UNC5D: variants seen among roughly 807,000 people sequenced by gnomAD.
UNC5D encodes the protein unc-5 netrin receptor D.
In UNC5D, 39 loss-of-function variants were observed where a neutral mutation model predicts 105.4. The observed-to-expected ratio is 0.37, with a 90% CI of 0.29 to 0.48. The LOEUF (loss-of-function observed/expected upper bound fraction) is 0.48, where lower values mean the gene tolerates loss of function less well. Ranked by LOEUF, UNC5D falls within the 20% of genes least tolerant of loss-of-function variation. UNC5D has a pLI of 0.98. For missense variants in UNC5D, 991 were observed against 1,202.4 expected (o/e 0.82, Z 2.60); for synonymous variants, 452 against 450.4 (o/e 1.00, Z -0.04).
At chr8:35,414,115 A>T (rs1299669107) in intron 1 of UNC5D, among the ~76,000 whole-genome samples, 1 of 152,122 alleles carries the variant, frequency 6.6e-6, no homozygotes, top group Non-Finnish European at 1.5e-5. Context: ...TTTAGTATTC[A>T]TTAATTCTAC....
chr8:35,249,624 G>A (rs1044719207), intron 1 of UNC5D, among the ~76,000 whole-genome samples: 28 of 150,412 alleles, frequency 1.9e-4, no homozygotes, highest in East Asian at 5.8e-4. Flanking sequence ...TAAAAACTTC[G>A]GTTGCTTCTT....
rs1191018145 is a variant in UNC5D at position 35,383,557 on chromosome 8, A to G, written c.103+147670A>G. On this transcript the variant is annotated intron_variant, in intron 1 of 16. Coordinates refer to ENST00000404895, the MANE Select transcript of UNC5D (RefSeq NM_080872.4). Reference sequence around the variant, plus strand: ...GGGCCCAATGAATAAATACACAGATAAAGAGCCTCTAAGGTAGGCAAGAGA... The same window carrying G: ...GGGCCCAATGAATAAATACACAGATGAAGAGCCTCTAAGGTAGGCAAGAGA... Among the ~76,000 whole-genome samples, 5 of 152,328 alleles carry G rather than the reference A, an allele frequency of 3.3e-5. No homozygotes were observed. The East Asian group carries it at 9.6e-4, about 29-fold the overall frequency.
At chr8:35,476,883 T>C (rs1810141172) in intron 1 of UNC5D, among the ~76,000 whole-genome samples, 1 of 152,240 alleles carries the variant, frequency 6.6e-6, no homozygotes. Context: ...CTGTGATGCT[T>C]TGATCACCAA....
intron 1 of UNC5D, among the ~76,000 whole-genome samples, chr8:35,453,063 A>G (rs1808269246): frequency 6.6e-6 from 1 of 152,206 alleles, no homozygotes; most frequent in Non-Finnish European, 1.5e-5. Context: ...CAGTTGTGCA[A>G]AATCAGTAGA....
intron 14 of UNC5D, among the ~76,000 whole-genome samples, chr8:35,765,780 A>T (rs1801738225): frequency 6.6e-6 from 1 of 152,178 alleles, no homozygotes; most frequent in African/African-American, 2.4e-5. Context: ...CACCAGTCAT[A>T]GTTCAGGGTT....
chr8:35,622,490 T>C (rs1234641957), intron 4 of UNC5D, among the ~76,000 whole-genome samples: 2 of 152,212 alleles, frequency 1.3e-5, no homozygotes, highest in African/African-American at 4.8e-5. Context: ...TCTTGTTAGC[T>C]GTGTGTTAAG....
chr8:35,509,357 G>A (rs912376499), intron 1 of UNC5D, among the ~76,000 whole-genome samples: 1 of 150,728 alleles, frequency 6.6e-6, no homozygotes, highest in Admixed American at 6.6e-5. Context: ...GGGATGTAGG[G>A]GTACATGCCA....
chr8:35,683,530 T>C lies in UNC5D; in HGVS notation c.571-17T>C, dbSNP rs1331646632. ...TGATTTTTTTAGTGACTTGTAAACATTCCTTTCTTCCTGTAGGTGGAATGG... is the reference window on the plus strand; with the variant it reads ...TGATTTTTTTAGTGACTTGTAAACACTCCTTTCTTCCTGTAGGTGGAATGG... On this transcript the variant is annotated splice_polypyrimidine_tract_variant and intron_variant, in intron 4 of 16. Coordinates refer to ENST00000404895, the MANE Select transcript of UNC5D (RefSeq NM_080872.4). 2 of 1,554,270 alleles carry C rather than the reference T, an allele frequency of 1.3e-6. No homozygotes were observed. The highest frequency in any genetic ancestry group is 1.7e-6 in the Non-Finnish European group (2 of 1,160,632).
At chr8:35,517,999 C>T (rs1681064398) in intron 1 of UNC5D, among the ~76,000 whole-genome samples, 1 of 152,068 alleles carries the variant, frequency 6.6e-6, no homozygotes, top group African/African-American at 2.4e-5. Context: ...CCCATCCCCT[C>T]TTATTATCAC....
intron 7 of UNC5D, among the ~76,000 whole-genome samples, chr8:35,701,515 T>C (rs976392508): frequency 2.0e-5 from 3 of 152,106 alleles, no homozygotes; most frequent in South Asian, 2.1e-4. Flanking sequence ...ATGGATACTA[T>C]GGAAATGGTT....
intron 3 of UNC5D, among the ~76,000 whole-genome samples, chr8:35,587,965 A>T (rs1009776206): frequency 4.8e-5 from 5 of 105,116 alleles, no homozygotes; most frequent in Admixed American, 1.1e-4. Context: ...TAACTATAAT[A>T]ATATATATAT....
intron 6 of UNC5D, among the ~76,000 whole-genome samples, chr8:35,685,595 T>C (rs1033663963): frequency 6.6e-6 from 1 of 152,202 alleles, no homozygotes; most frequent in African/African-American, 2.4e-5. Flanking sequence ...TTTGGACTTA[T>C]GTTCAATAAG....
chr8:35,651,961 C>T (rs1823433720), intron 4 of UNC5D, among the ~76,000 whole-genome samples: 1 of 152,112 alleles, frequency 6.6e-6, no homozygotes, highest in South Asian at 2.1e-4. Context: ...GCTTATCTTT[C>T]CTTTCTTGTG....
chr8:35,767,098 CCT>C, intron 15 of UNC5D, 32 bp downstream of exon 15: 1 of 1,576,346 alleles, frequency 6.3e-7, no homozygotes, highest in Non-Finnish European at 8.6e-7. Flanking sequence ...CATTTGACCC[CCT>C]TTCTGAAGGA....
intron 1 of UNC5D, among the ~76,000 whole-genome samples, chr8:35,245,917 T>C (rs1334631096): frequency 6.6e-6 from 1 of 152,202 alleles, no homozygotes. Context: ...ACTTGGGATG[T>C]AATCACAATT....
chr8:35,660,047 G>T (rs971955522), intron 4 of UNC5D, among the ~76,000 whole-genome samples: 7 of 152,026 alleles, frequency 4.6e-5, no homozygotes, highest in Non-Finnish European at 8.8e-5. Context: ...TCCCATTTTT[G>T]CCTGAAATTT....
At chr8:35,487,730 A>G (rs1268452202) in intron 1 of UNC5D, among the ~76,000 whole-genome samples, 1 of 152,206 alleles carries the variant, frequency 6.6e-6, no homozygotes, top group Non-Finnish European at 1.5e-5. Flanking sequence ...ATAGGTAGAA[A>G]GAGTTTTAAG....
At chr8:35,629,138 TA>T (rs1483150657) in intron 4 of UNC5D, among the ~76,000 whole-genome samples, 1 of 152,200 alleles carries the variant, frequency 6.6e-6, no homozygotes, top group East Asian at 1.9e-4. Context: ...TCTCCCCACC[TA>T]AATAATGGCA....
chr8:35,252,645 AG>A (rs1803787024), intron 1 of UNC5D, among the ~76,000 whole-genome samples: 1 of 152,084 alleles, frequency 6.6e-6, no homozygotes, highest in Admixed American at 6.6e-5. Context: ...ACCATAATTT[AG>A]TTATTCATTT....
Sources: gnomAD v4.1 joint callset for allele counts (sites outside exome capture counted in the v4.1 genomes callset) on GRCh38, gnomAD v4.1.1 for gene constraint, MANE v1.5 for transcripts, NCBI Gene and HGNC (gene_info 2026-07-23, HGNC 2026-07-21) for gene names.